Variants in CYRIB observed in about 807,000 individuals in gnomAD.
CYRIB encodes the protein CYFIP related Rac1 interactor B, also known as CYFIP-related Rac1 interactor B.
CYRIB carries 8 observed loss-of-function variants against 44.2 expected under a neutral mutation model. The observed-to-expected ratio is 0.18, with a 90% CI of 0.11 to 0.33. The LOEUF (loss-of-function observed/expected upper bound fraction) is 0.33. Among genes scored for constraint, CYRIB ranks in the 10% least tolerant of loss-of-function variants. The pLI is 1.00. For synonymous variants in CYRIB, 131 were observed against 127.2 expected, an observed-to-expected ratio of 1.03 and a Z score of -0.20; for missense variants, 185 against 382.8, an observed-to-expected ratio of 0.48 and a Z score of 4.31.
intron 4 of CYRIB, among the ~76,000 whole-genome samples, chr8:129,870,400 C>A (rs924055048): frequency 1.3e-5 from 2 of 152,202 alleles, no homozygotes; most frequent in Non-Finnish European, 2.9e-5. Context: ...CGGAGCTAAA[C>A]CCTGTCTCAA....
intron 1 of CYRIB, among the ~76,000 whole-genome samples, chr8:129,978,505 G>A (rs962312633): frequency 3.3e-5 from 5 of 152,198 alleles, no homozygotes; most frequent in Non-Finnish European, 7.3e-5. Flanking sequence ...CCCCAGGCAT[G>A]TGCCAGGATG....
intron 1 of CYRIB, among the ~76,000 whole-genome samples, 179 bp from the exon 3 acceptor site, chr8:129,904,764 G>A (rs538219439): frequency 1.3e-5 from 2 of 152,026 alleles, no homozygotes; most frequent in Non-Finnish European, 2.9e-5. Flanking sequence ...TAAAATCCTT[G>A]TGCCTACTAT....
chr8:129,858,694 T>A (rs1427274126), intron 5 of CYRIB, among the ~76,000 whole-genome samples: 1 of 143,804 alleles, frequency 7.0e-6, no homozygotes, highest in African/African-American at 2.7e-5. Context: ...TTCTGCCCAG[T>A]GAAACGAAGC....
chr8:129,973,529 C>A (rs1261919392), intron 1 of CYRIB, among the ~76,000 whole-genome samples: 3 of 152,250 alleles, frequency 2.0e-5, no homozygotes, highest in East Asian at 3.8e-4. Context: ...CCTTCCCTGA[C>A]AGCCTTTTCA....
At chr8:129,954,770 G>T (rs779506174) in intron 2 of CYRIB, among the ~76,000 whole-genome samples, 1 of 152,116 alleles carries the variant, frequency 6.6e-6, no homozygotes, top group Non-Finnish European at 1.5e-5. Context: ...ATTTCCAAAG[G>T]TTAGTCTACA....
intron 2 of CYRIB, among the ~76,000 whole-genome samples, chr8:129,967,130 CAG>C (rs886711561): frequency 2.0e-5 from 3 of 152,108 alleles, no homozygotes; most frequent in African/African-American, 7.2e-5. Context: ...CAACAACAAA[CAG>C]AGTTTAAAAT....
At position 129,855,390 on chromosome 8, in the gene CYRIB, C is replaced by CAAA. The variant is rs200820053; in HGVS notation, c.438+218_438+220dup. On this transcript the variant is annotated intron_variant, in intron 6 of 11. Coordinates refer to ENST00000519824, the Ensembl canonical transcript of CYRIB. Reference sequence around the variant, plus strand: ...TGAGTGACAAAGCAAGGCTCTGCCTCAAAAAAAAAAAAAAAAGATTGAGAC... The same window carrying CAAA: ...TGAGTGACAAAGCAAGGCTCTGCCTCAAAAAAAAAAAAAAAAAAAGATTGAGAC... Among the ~76,000 whole-genome samples the CAAA allele has an allele frequency of 5.2e-3, 537 of 102,332 alleles. 2 individuals carry two copies. Among genetic ancestry groups the CAAA allele is most frequent in the African/African-American group, 0.016 (459 of 29,524 alleles). 67.1% of individuals were successfully genotyped at this position (102,332 alleles called of 152,430 possible).
chr8:129,956,953 C>T (rs1220210575), intron 2 of CYRIB, among the ~76,000 whole-genome samples: 1 of 151,860 alleles, frequency 6.6e-6, no homozygotes, highest in Admixed American at 6.6e-5. Flanking sequence ...ATCCTCCCAC[C>T]TCAGACTCCC....
chr8:129,913,178 A>G (rs1366448802), intron 1 of CYRIB, among the ~76,000 whole-genome samples: 1 of 151,906 alleles, frequency 6.6e-6, no homozygotes, highest in Non-Finnish European at 1.5e-5. Flanking sequence ...TCACCGTGTT[A>G]GCCAGGATGG....
rs922485894 is a variant in CYRIB, at chr8:129,868,128, C to G, written c.195+3247G>C. 5.3e-5 allele frequency among the ~76,000 whole-genome samples: 8 copies of G among 152,238 alleles called. No individual in the cohort carries two copies. In the East Asian group the frequency reaches 1.2e-3, roughly 22 times the overall value. On this transcript the variant is annotated intron_variant, in intron 4 of 11. Transcript: ENST00000519824. ...AATTATTGACCTATGACTCTTGTAA[C>G]ACATCAGTTATTTGTATATTTGGTG...
intron 1 of CYRIB, among the ~76,000 whole-genome samples, chr8:130,000,450 T>C (rs1213664237): frequency 6.6e-6 from 1 of 152,136 alleles, no homozygotes; most frequent in Non-Finnish European, 1.5e-5. Context: ...ACCAGCACTT[T>C]GGGAGGCTGA....
At chr8:129,944,525 G>C (rs1249616024), upstream of CYRIB, among the ~76,000 whole-genome samples, 5 of 152,148 alleles carry the variant, frequency 3.3e-5, no homozygotes, top group East Asian at 7.7e-4. Context: ...GCTCACGTCT[G>C]TAATCCCAGC....
chr8:129,869,579 T>C (rs1007660808), intron 4 of CYRIB, among the ~76,000 whole-genome samples: 1 of 152,128 alleles, frequency 6.6e-6, no homozygotes, highest in African/African-American at 2.4e-5. Flanking sequence ...ACTAAATCAT[T>C]TAAATCTTTC....
intron 1 of CYRIB, among the ~76,000 whole-genome samples, chr8:129,978,601 C>T (rs2096065213): frequency 6.6e-6 from 1 of 152,198 alleles, no homozygotes; most frequent in Non-Finnish European, 1.5e-5. Flanking sequence ...ATCCCTCAAT[C>T]CATTCAGAAC....
At chr8:129,850,055 G>A (rs1205372568) in intron 9 of CYRIB, 1 of 152,274 alleles carries the variant, frequency 6.6e-6, no homozygotes, top group Non-Finnish European at 1.5e-5. Context: ...CACATGGATA[G>A]TGTCCCTTCA....
chr8:130,000,389 T>C (rs191821786), intron 1 of CYRIB, among the ~76,000 whole-genome samples: 1 of 152,236 alleles, frequency 6.6e-6, no homozygotes, highest in Admixed American at 6.5e-5. Flanking sequence ...ATGAAATGAA[T>C]AGTTTTAAAG....
intron 2 of CYRIB, chr8:129,901,677 C>G (rs2072096990): frequency 6.6e-6 from 1 of 152,158 alleles, no homozygotes; most frequent in African/African-American, 2.4e-5. Context: ...TCACTAACCT[C>G]TATACAAAAA....
At chr8:130,008,626 C>T (rs2097156751) in intron 1 of CYRIB, among the ~76,000 whole-genome samples, 1 of 152,166 alleles carries the variant, frequency 6.6e-6, no homozygotes, top group Non-Finnish European at 1.5e-5. Flanking sequence ...CTCACTCCTC[C>T]CTCAAGACCT....
chr8:129,990,520 GTGTA>G lies in CYRIB; in HGVS notation c.-295-19529_-295-19526del, dbSNP rs1339692249. 1.3e-3 allele frequency among the ~76,000 whole-genome samples: 172 copies of G among 137,234 alleles called. 1 individual carries two copies. The highest frequency in any genetic ancestry group is 4.1e-3 in the African/African-American group (150 of 36,370). 90.0% of individuals were successfully genotyped at this position (137,234 alleles called of 152,430 possible). On this transcript the variant is annotated intron_variant, in intron 1 of 14. Coordinates refer to the CYRIB transcript ENST00000401979. ...TGCGTGTGTGTGTGTGTGTGTGTGT[GTGTA>G]TATATTTTTTTTCTTCCCCAAGACA...
Sources: gnomAD v4.1 joint callset for allele counts (sites outside exome capture counted in the v4.1 genomes callset) on GRCh38, gnomAD v4.1.1 for gene constraint, MANE v1.5 for transcripts, NCBI Gene and HGNC (gene_info 2026-07-23, HGNC 2026-07-21) for gene names.